The following BRD10 variants were observed in gnomAD, a reference collection of about 807,000 sequenced individuals.
The protein encoded by BRD10 is uncharacterized bromodomain-containing protein 10.
the BRD10 span, chr9:5,969,410 GCTT>G: frequency 5.1e-6 from 8 of 1,577,610 alleles, no homozygotes; most frequent in Non-Finnish European, 6.9e-6. Flanking sequence ...AGCTTCTTCT[GCTT>G]CTTTTCTTTC....
At chr9:5,923,127 T>C in the BRD10 span, 2 of 1,614,038 alleles carry the variant, frequency 1.2e-6, no homozygotes, top group Non-Finnish European at 1.7e-6. Flanking sequence ...GTCTCATTTG[T>C]GCTTAACTTT....
At chr9:6,005,790 C>T in the BRD10 span, among the ~76,000 whole-genome samples, 1 of 152,116 alleles carries the variant, frequency 6.6e-6, no homozygotes, top group Non-Finnish European at 1.5e-5. Context: ...GGGTAACAAA[C>T]ACACTACAGA....
the BRD10 span, chr9:5,898,907 G>C: frequency 1.3e-5 from 2 of 152,154 alleles, no homozygotes; most frequent in African/African-American, 4.8e-5. Context: ...TTCTTAGATG[G>C]CCAAAGGTTT....
At chr9:5,926,926 A>G in the BRD10 span, among the ~76,000 whole-genome samples, 32 of 152,242 alleles carry the variant, frequency 2.1e-4, 1 homozygote, top group Admixed American at 1.8e-3. Context: ...CGTGTGGCAC[A>G]TAAATATTCA....
At chr9:5,909,960 T>C in the BRD10 span, 5 of 152,378 alleles carry the variant, frequency 3.3e-5, no homozygotes, top group Non-Finnish European at 7.3e-5. Flanking sequence ...TAATTCCTAT[T>C]GCCATCCTGA....
the BRD10 span, among the ~76,000 whole-genome samples, chr9:5,916,380 T>C: frequency 6.6e-6 from 1 of 152,148 alleles, no homozygotes; most frequent in African/African-American, 2.4e-5. Flanking sequence ...ATTCTAGCTA[T>C]CACTACTTTA....
the BRD10 span, among the ~76,000 whole-genome samples, chr9:5,965,619 A>G: frequency 1.3e-5 from 2 of 152,230 alleles, no homozygotes; most frequent in Admixed American, 1.3e-4. Flanking sequence ...TGACTTAAAC[A>G]TTATATACAC....
chr9:5,987,284 T>C, the BRD10 span, among the ~76,000 whole-genome samples: 2 of 152,226 alleles, frequency 1.3e-5, no homozygotes, highest in African/African-American at 4.8e-5. Context: ...GTTCTATTAA[T>C]TGTTCTCAGG....
the BRD10 span, among the ~76,000 whole-genome samples, chr9:5,881,113 C>T: frequency 3.3e-5 from 5 of 152,178 alleles, no homozygotes; most frequent in African/African-American, 4.8e-5. Context: ...ACACTTCACA[C>T]ACACACAATC....
chr9:5,906,861 C>T, the BRD10 span: 1 of 1,442,626 alleles, frequency 6.9e-7, no homozygotes, highest in South Asian at 1.3e-5. Context: ...CTCACCCACT[C>T]ACCTTTATCA....
the BRD10 span, among the ~76,000 whole-genome samples, chr9:5,889,418 G>C: frequency 1.3e-5 from 2 of 152,222 alleles, no homozygotes; most frequent in Non-Finnish European, 2.9e-5. Flanking sequence ...GAATGTGTAT[G>C]CTACAGGAAT....
the BRD10 span, among the ~76,000 whole-genome samples, chr9:5,994,947 T>A: frequency 6.6e-6 from 1 of 151,748 alleles, no homozygotes; most frequent in African/African-American, 2.4e-5. Flanking sequence ...TTGCCCAGGC[T>A]GGAGTGCAAT....
chr9:5,973,578 T>C, the BRD10 span, among the ~76,000 whole-genome samples: 6 of 151,992 alleles, frequency 3.9e-5, no homozygotes, highest in African/African-American at 1.4e-4. Flanking sequence ...GAAACACAAA[T>C]CAATATCTAA....
the BRD10 span, among the ~76,000 whole-genome samples, chr9:5,910,899 G>T: frequency 6.6e-6 from 1 of 152,002 alleles, no homozygotes; most frequent in Non-Finnish European, 1.5e-5. Context: ...AAGGAGCCTG[G>T]GTCATTACAT....
chr9:5,920,328 T>A, the BRD10 span: 1 of 1,613,966 alleles, frequency 6.2e-7, no homozygotes, highest in Non-Finnish European at 8.5e-7. Context: ...TTAATCATAA[T>A]CTGAGTACCA....
At chr9:5,942,692 T>A in the BRD10 span, among the ~76,000 whole-genome samples, 1 of 152,188 alleles carries the variant, frequency 6.6e-6, no homozygotes, top group Non-Finnish European at 1.5e-5. Context: ...TAAGTACAGT[T>A]CCAAGAATTT....
At chr9:5,988,445 T>C in the BRD10 span, 4 of 1,613,876 alleles carry the variant, frequency 2.5e-6, no homozygotes, top group Non-Finnish European at 1.7e-6. Flanking sequence ...CTTCGCGGTG[T>C]TGACCGACGC....
chr9:5,962,293 A>C, the BRD10 span, among the ~76,000 whole-genome samples: 1 of 138,168 alleles, frequency 7.2e-6, no homozygotes, highest in East Asian at 2.0e-4. Flanking sequence ...TACGCAAATA[A>C]ACTAGAAAAT....
chr9:6,007,239 C>T, the BRD10 span: 1 of 1,613,950 alleles, frequency 6.2e-7, no homozygotes, highest in Non-Finnish European at 8.5e-7. Context: ...TCTCCAGCTT[C>T]TGGCCCTGTT....
Sources: allele counts gnomAD v4.1 joint callset (sites outside exome capture counted in the v4.1 genomes callset), GRCh38; gene constraint gnomAD v4.1.1; transcripts MANE v1.5; gene names NCBI Gene and HGNC (gene_info 2026-07-23, HGNC 2026-07-21).